Variants in DBNL observed in about 807,000 individuals in gnomAD.
DBNL encodes drebrin like, also known as drebrin-like protein.
DBNL carries 35 observed loss-of-function variants against 62.2 expected under a neutral mutation model. That is an observed-to-expected ratio of 0.56 (90% CI 0.43 to 0.75). DBNL has a LOEUF of 0.75. Ranked by LOEUF, DBNL falls within the 30% of genes least tolerant of loss-of-function variation. The pLI is 0.00. For missense variants in DBNL, 495 were observed against 578.4 expected (o/e 0.86, Z 1.48); for synonymous variants, 197 against 218.0 (o/e 0.90, Z 0.85).
At chr7:44,058,360 G>C (rs2096140875) in intron 7 of DBNL, 72 bp from the exon 8 acceptor site, 1 of 1,610,592 alleles carries the variant, frequency 6.2e-7, no homozygotes, top group South Asian at 1.1e-5. Context: ...TGGAGGCGAG[G>C]AGGACTAAGG....
rs1381413058 is a variant in DBNL, at chr7:44,062,630, G to C, written c.*1714G>C. 1 of 859,634 alleles carries C rather than the reference G, an allele frequency of 1.2e-6. No individual in the cohort carries two copies. Among genetic ancestry groups the C allele is most frequent in the South Asian group, 1.5e-5 (1 of 65,246 alleles). The allele number at this position is 859,634 out of a possible 1,614,324, so 53.3% of individuals were successfully genotyped here. On this transcript the variant is annotated 3_prime_UTR_variant, in exon 13 of 13. Coordinates refer to ENST00000448521, the MANE Select transcript of DBNL (RefSeq NM_001014436.3). The stretch of plus-strand genomic sequence containing the variant: ...TCCTGCCCCTGGTGACACACGTATG[G>C]AGTGGGGGAGGGTGGGTGGCTGCAC...
In DBNL at chr7:44,059,641, T is replaced by C. The variant is rs2096144479; in HGVS notation, c.1030T>C (p.Tyr344His). Residue 344 changes from tyrosine to histidine, a missense_variant, in exon 11 of 13, where the codon TAC becomes CAC. By Grantham distance (83) the Tyr-to-His change is moderately conservative. Coordinates refer to ENST00000448521, the MANE Select transcript of DBNL (RefSeq NM_001014436.3). The surrounding 1 kb of genome is among the most constrained non-coding windows in gnomAD (Gnocchi z 4.1). ...YEEPPEQETF[Y>H]EQPPLVQQQG... ...GGAACCTCCAGAGCAGGAGACCTTC[T>C]ACGAGCAGCCCCCACTGGTGGGTTC... 1 of 1,605,416 alleles carries C rather than the reference T, an allele frequency of 6.2e-7. No homozygotes were observed. The highest frequency in any genetic ancestry group is 8.5e-7 in the Non-Finnish European group (1 of 1,179,416).
In DBNL at chr7:44,054,482, C is replaced by T. The variant is rs145539228; in HGVS notation, c.327+1541C>T. Reference sequence around the variant, plus strand: ...TGCTGGGATTACAGGCGAGAGCCACCGCACCTGGCCCAGAGTTTTTATAAA... The same window carrying T: ...TGCTGGGATTACAGGCGAGAGCCACTGCACCTGGCCCAGAGTTTTTATAAA... On this transcript the variant is annotated intron_variant, in intron 4 of 12. Coordinates refer to ENST00000448521, the MANE Select transcript of DBNL (RefSeq NM_001014436.3). Among the ~76,000 whole-genome samples, 19 of 152,246 alleles carry T rather than the reference C, an allele frequency of 1.2e-4. No individual in the cohort carries two copies. In the East Asian group the frequency reaches 2.9e-3, roughly 23 times the overall value.
intron 1 of DBNL, among the ~76,000 whole-genome samples, chr7:44,046,020 C>T (rs1429389337): frequency 6.6e-6 from 1 of 152,178 alleles, no homozygotes; most frequent in African/African-American, 2.4e-5. Context: ...CTCAGATTTA[C>T]CCACGTCAGT....
chr7:44,050,940 TG>T (rs1389318092), intron 2 of DBNL: 2 of 152,282 alleles, frequency 1.3e-5, no homozygotes, highest in African/African-American at 2.4e-5. Context: ...TGATGTCTGT[TG>T]TTGGTAGAAA....
Position 44,064,793 on chromosome 7 carries a change from G to GGGCCCCCCCCCCC in DBNL, c.*3877_*3878insGGCCCCCCCCCCC. The GGGCCCCCCCCCCC allele has an allele frequency of 6.2e-6, 7 of 1,136,954 alleles. No homozygotes were observed. The highest frequency in any genetic ancestry group is 2.5e-5 in the East Asian group (1 of 40,040). 70.4% of individuals were successfully genotyped at this position (1,136,954 alleles called of 1,614,324 possible). A position where few individuals can be genotyped will look rare whatever the true frequency, so the allele number is the denominator to read the frequency against. On this transcript the variant is annotated 3_prime_UTR_variant, in exon 13 of 13. Coordinates refer to ENST00000448521, the MANE Select transcript of DBNL (RefSeq NM_001014436.3). ...AGATGAGAAGCCAGCTGGGGCTGCT[G>GGGCCCCCCCCCCC]CCCACCCACCCTGCCCAGGCTCCTG...
intron 8 of DBNL, 44 bp from the exon 9 acceptor site, chr7:44,058,858 G>A: frequency 1.2e-6 from 2 of 1,612,506 alleles, no homozygotes; most frequent in Non-Finnish European, 1.7e-6. Flanking sequence ...GAGAGGTGGT[G>A]AAGGTTTTGC....
chr7:44,047,059 GC>G (rs1216350625), intron 1 of DBNL, among the ~76,000 whole-genome samples: 1 of 152,196 alleles, frequency 6.6e-6, no homozygotes, highest in African/African-American at 2.4e-5. Flanking sequence ...CCCCGAGGTT[GC>G]CTTCTCAGAG....
Position 44,067,508 on chromosome 7 carries a change from G to C in DBNL, c.*6592G>C, listed in dbSNP as rs2096162224. 1 of 152,238 alleles carries C rather than the reference G, an allele frequency of 6.6e-6. No individual in the cohort carries two copies. The highest frequency in any genetic ancestry group is 2.1e-4 in the South Asian group (1 of 4,838). 9.4% of individuals were successfully genotyped at this position (152,238 alleles called of 1,614,324 possible). A position where few individuals can be genotyped will look rare whatever the true frequency, so the allele number is the denominator to read the frequency against. ...AGGAGGTGTCAAAAAGGAAAGGGGA[G>C]CCCAAAGAAGGGCTGGACTTCGGGG... On this transcript the variant is annotated 3_prime_UTR_variant, in exon 13 of 13. Transcript: ENST00000448521.
Position 44,063,203 on chromosome 7 carries a change from C to A in DBNL, c.*2287C>A. The A allele has an allele frequency of 2.0e-6, 1 of 508,706 alleles. No individual in the cohort carries two copies. Among genetic ancestry groups the A allele is most frequent in the South Asian group, 2.0e-5 (1 of 49,048 alleles). 31.5% of individuals were successfully genotyped at this position (508,706 alleles called of 1,614,324 possible). ...GTGGTGGTGCTGTCCATAGTTCCCT[C>A]AGCCCAGTGTGACTCCAGCCAGACT... On this transcript the variant is annotated 3_prime_UTR_variant, in exon 13 of 13. Coordinates refer to ENST00000448521, the MANE Select transcript of DBNL (RefSeq NM_001014436.3).
chr7:44,052,324 T>G (rs1363545544), intron 3 of DBNL, among the ~76,000 whole-genome samples: 3 of 151,958 alleles, frequency 2.0e-5, no homozygotes, highest in African/African-American at 7.3e-5. Context: ...AGAAAACTCT[T>G]GAAGGCTGGG....
chr7:44,062,372 C>T lies in DBNL; in HGVS notation c.*1456C>T. ...GCAAGGACAGCAGAGGACCACCTGC[C>T]CTCTGCAGGAAGCTGTCCAGGAAGC... On this transcript the variant is annotated 3_prime_UTR_variant, in exon 13 of 13. Transcript: ENST00000448521. 3.5e-6 allele frequency: 1 copy of T among 287,394 alleles called. No homozygotes were observed. Among genetic ancestry groups the T allele is most frequent in the South Asian group, 3.5e-5 (1 of 28,656 alleles). The allele number at this position is 287,394 out of a possible 1,614,324, so 17.8% of individuals were successfully genotyped here.
At chr7:44,047,558 GT>G (rs2096119478) in intron 1 of DBNL, among the ~76,000 whole-genome samples, 2 of 152,182 alleles carry the variant, frequency 1.3e-5, no homozygotes, top group Admixed American at 6.5e-5. Flanking sequence ...TTAGGTGTGT[GT>G]TTTTTCTTCC....
Position 44,065,065 on chromosome 7 carries a change from G to A in DBNL, c.*4149G>A, listed in dbSNP as rs2096156883. On this transcript the variant is annotated 3_prime_UTR_variant, in exon 13 of 13. Coordinates refer to ENST00000448521, the MANE Select transcript of DBNL (RefSeq NM_001014436.3). ...CTCCCAAGCCAGTGGGCCCCCACCC[G>A]ACTCCCCACTCTGCAGCTTCCCAGA... The A allele has an allele frequency of 3.7e-6, 6 of 1,610,836 alleles. No homozygotes were observed. The highest frequency in any genetic ancestry group is 4.5e-5 in the East Asian group (2 of 44,866).
Position 44,059,935 on chromosome 7 carries a change from T to C in DBNL, c.1048-113T>C, listed in dbSNP as rs910963715. On this transcript the variant is annotated intron_variant, in intron 11 of 12. Coordinates refer to ENST00000448521, the MANE Select transcript of DBNL (RefSeq NM_001014436.3). The surrounding 1 kb of genome is among the most constrained non-coding windows in gnomAD (Gnocchi z 4.1). ...ACAGCAGCAGCCCAGCCCCCGAGCC[T>C]GTAGACTGCTTGCCCTCTGCGTACT... 9 of 1,071,052 alleles carry C rather than the reference T, an allele frequency of 8.4e-6. No homozygotes were observed. In the Admixed American group the frequency reaches 1.4e-4, roughly 17 times the overall value. The allele number at this position is 1,071,052 out of a possible 1,614,324, so 66.3% of individuals were successfully genotyped here. A position where few individuals can be genotyped will look rare whatever the true frequency, so the allele number is the denominator to read the frequency against.
Position 44,062,916 on chromosome 7 carries a change from C to A in DBNL, c.*2000C>A. 1 of 1,614,210 alleles carries A rather than the reference C, an allele frequency of 6.2e-7. No individual in the cohort carries two copies. Among genetic ancestry groups the A allele is most frequent in the South Asian group, 1.1e-5 (1 of 91,088 alleles). ...GTGGGCAGGTTCAGCTCCATGATCG[C>A]CTGGTCTGACATCCCTATGCCGGAA... On this transcript the variant is annotated 3_prime_UTR_variant, in exon 13 of 13. Coordinates refer to ENST00000448521, the MANE Select transcript of DBNL (RefSeq NM_001014436.3).
chr7:44,065,680 C>T lies in DBNL; in HGVS notation c.*4764C>T. On this transcript the variant is annotated 3_prime_UTR_variant, in exon 13 of 13. Coordinates refer to ENST00000448521, the MANE Select transcript of DBNL (RefSeq NM_001014436.3). The stretch of plus-strand genomic sequence containing the variant: ...TGGCAGGTGACCAGTAGCTGAGCTG[C>T]TGGGGGCTGGGGGCCAGGGGAGTGT... 1.4e-6 allele frequency: 1 copy of T among 722,874 alleles called. No individual in the cohort carries two copies. The highest frequency in any genetic ancestry group is 2.4e-6 in the Non-Finnish European group (1 of 414,950). The allele number at this position is 722,874 out of a possible 1,614,324, so 44.8% of individuals were successfully genotyped here. A position where few individuals can be genotyped will look rare whatever the true frequency, so the allele number is the denominator to read the frequency against.
intron 2 of DBNL, 76 bp downstream of exon 2, chr7:44,050,356 G>A (rs973848230): frequency 3.2e-6 from 5 of 1,540,676 alleles, no homozygotes; most frequent in South Asian, 1.1e-5. Flanking sequence ...GCACTCAGCT[G>A]TCTTGGTCCA....
At position 44,057,840 on chromosome 7, in the gene DBNL, G is replaced by A; in HGVS notation, c.533G>A (p.Ser178Asn). The A allele has an allele frequency of 6.2e-7, 1 of 1,614,226 alleles. No individual in the cohort carries two copies. Among genetic ancestry groups the A allele is most frequent in the Non-Finnish European group, 8.5e-7 (1 of 1,180,034 alleles). The change falls in exon 6 of 13, where the codon AGC becomes AAC. Residue 178 changes from serine (S) to asparagine (N), a missense_variant. Coordinates refer to ENST00000448521, the MANE Select transcript of DBNL (RefSeq NM_001014436.3). Reference sequence around the variant, plus strand: ...GAGATTAAAAGGGTTGGTAAAGACAGCTTCTGGGCCAAAGCAGAGGTGAGT... The same window carrying A: ...GAGATTAAAAGGGTTGGTAAAGACAACTTCTGGGCCAAAGCAGAGGTGAGT... ...VSEIKRVGKD[S>N]FWAKAEKEEE...
Sources: gnomAD v4.1 joint callset for allele counts (sites outside exome capture counted in the v4.1 genomes callset) on GRCh38, gnomAD v4.1.1 for gene constraint, Gnocchi (gnomAD v3.1) non-coding constraint, MANE v1.5 for transcripts, NCBI Gene and HGNC (gene_info 2026-07-23, HGNC 2026-07-21) for gene names.